Variants in HMCN2 observed in about 807,000 individuals in gnomAD.
HMCN2 encodes the protein hemicentin-2.
HMCN2 carries 325 observed loss-of-function variants against 377.5 expected under a neutral mutation model. The ratio of observed to expected loss-of-function variants is 0.86; its 90% CI spans 0.79 to 0.94. HMCN2 has a LOEUF of 0.94. Among genes scored for constraint, HMCN2 ranks in the 40% least tolerant of loss-of-function variants. The pLI is 0.00. For synonymous variants in HMCN2, 2,007 were observed against 2,046.8 expected, an observed-to-expected ratio of 0.98 and a Z score of 0.53; for missense variants, 4,543 against 4,725.3, an observed-to-expected ratio of 0.96 and a Z score of 1.13.
chr9:130,379,986 C>T (rs982113819), intron 54 of HMCN2, among the ~76,000 whole-genome samples: 27 of 152,190 alleles, frequency 1.8e-4, no homozygotes, highest in African/African-American at 6.0e-4. Context: ...AGTGATTCTC[C>T]TGCCTCAGCC....
At chr9:130,309,795 A>G (rs1271477542) in intron 14 of HMCN2, 117 bp from the exon 15 acceptor site, 4 of 336,266 alleles carry the variant, frequency 1.2e-5, no homozygotes, top group African/African-American at 8.8e-5. Flanking sequence ...TCCACCCACC[A>G]TCTCCCAGGC....
chr9:130,394,279 C>G lies in HMCN2; in HGVS notation c.10502-106C>G, dbSNP rs1239222034. The G allele has an allele frequency of 2.6e-6, 2 of 758,370 alleles. No individual in the cohort carries two copies. The highest frequency in any genetic ancestry group is 3.7e-5 in the African/African-American group (2 of 54,552). 47.0% of individuals were successfully genotyped at this position (758,370 alleles called of 1,614,324 possible). A position where few individuals can be genotyped will look rare whatever the true frequency, so the allele number is the denominator to read the frequency against. On this transcript the variant is annotated intron_variant, in intron 68 of 97. Coordinates refer to ENST00000683500, the MANE Select transcript of HMCN2 (RefSeq NM_001291815.2). This position sits in a 1 kb window ranked among gnomAD's most constrained non-coding sequence, Gnocchi z 5.1. ...GTGGCAGATGCAAGAACAAGGGCCA[C>G]CAAAATGTGGGAGCAGAGCCCCTGG...
intron 90 of HMCN2, 134 bp downstream of exon 90, chr9:130,426,058 G>A (rs77458469): frequency 0.026 from 17,866 of 691,198 alleles, 332 homozygotes; most frequent in Admixed American, 0.059. Flanking sequence ...AGACTGAGAC[G>A]GCCCGGCTGG....
rs1843584281 is a variant in HMCN2, at chr9:130,414,451, G to A, written c.12961+3799G>A. ...CAGTTTTATAGCTCTGCCAAAAACG[G>A]AAGATTTAAATAAAAATCCGAGTCT... On this transcript the variant is annotated intron_variant, in intron 85 of 97. Transcript: ENST00000683500. This position sits in a 1 kb window ranked among gnomAD's most constrained non-coding sequence, Gnocchi z 4.4. Among the ~76,000 whole-genome samples the A allele has an allele frequency of 6.6e-6, 1 of 152,106 alleles. No individual in the cohort carries two copies. The highest frequency in any genetic ancestry group is 6.5e-5 in the Admixed American group (1 of 15,272).
Position 130,433,361 on chromosome 9 carries a change from C to G in HMCN2, c.14908C>G (p.Arg4970Gly). 4 of 1,461,186 alleles carry G rather than the reference C, an allele frequency of 2.7e-6. No homozygotes were observed. Among genetic ancestry groups the G allele is most frequent in the Non-Finnish European group, 3.6e-6 (4 of 1,114,196 alleles). 90.5% of individuals were successfully genotyped at this position (1,461,186 alleles called of 1,614,324 possible). Reference protein sequence around the residue: ...QGPSPGTCFRRCSQDCGTGGP... With the variant: ...QGPSPGTCFRGCSQDCGTGGP... ...TGCCGCCCGCAGGACGTGCTTCCGG[C>G]GCTGCTCGCAGGACTGCGGCACGGG... The change falls in exon 98 of 98, where the codon CGC becomes GGC. Residue 4970 changes from arginine (R) to glycine (G), a missense_variant. Physicochemically the swap from Arg to Gly is moderately radical, Grantham distance 125. This residue lies in a region of HMCN2 where 1,155 missense variants were observed against 1,157.7 expected (regional missense o/e 1.00). Coordinates refer to ENST00000683500, the MANE Select transcript of HMCN2 (RefSeq NM_001291815.2).
At chr9:130,279,666 T>C (rs1248774869) in intron 1 of HMCN2, among the ~76,000 whole-genome samples, 5 of 152,168 alleles carry the variant, frequency 3.3e-5, no homozygotes, top group Non-Finnish European at 7.3e-5. Flanking sequence ...AACATTGTTA[T>C]GTTTGGCACA....
intron 46 of HMCN2, among the ~76,000 whole-genome samples, chr9:130,371,725 C>G (rs1312006611): frequency 6.6e-6 from 1 of 152,204 alleles, no homozygotes; most frequent in African/African-American, 2.4e-5. Context: ...GTAAGAATTG[C>G]CGGGTGCATT....
At chr9:130,349,724 T>C (rs1839598247) in intron 29 of HMCN2, 61 bp downstream of exon 29, 1 of 1,269,368 alleles carries the variant, frequency 7.9e-7, no homozygotes. Flanking sequence ...CTGCTGGATG[T>C]GGGGGTTGGG....
In HMCN2 at chr9:130,394,395, C is replaced by T. The variant is rs867133467; in HGVS notation, c.10512C>T (p.His3504=). ...HFQLTVMEPP[H]IEDSGQPTEL... ...CATGGTGGCTTGCAGAGCCCCCTCA[C>T]ATTGAGGACTCAGGCCAGCCTACAG... Residue 3504 remains histidine, a synonymous_variant, in exon 69 of 98, where the codon CAC becomes CAT. Coordinates refer to ENST00000683500, the MANE Select transcript of HMCN2 (RefSeq NM_001291815.2). This position sits in a 1 kb window ranked among gnomAD's most constrained non-coding sequence, Gnocchi z 5.1. The T allele has an allele frequency of 4.7e-6, 6 of 1,289,448 alleles. No homozygotes were observed. Among genetic ancestry groups the T allele is most frequent in the East Asian group, 5.5e-5 (1 of 18,022 alleles). 79.9% of individuals were successfully genotyped at this position (1,289,448 alleles called of 1,614,324 possible).
chr9:130,273,455 A>G (rs1264535482), intron 1 of HMCN2, among the ~76,000 whole-genome samples: 1 of 152,084 alleles, frequency 6.6e-6, no homozygotes, highest in East Asian at 1.9e-4. Context: ...AAACTGTCAG[A>G]ACAATACCAC....
intron 5 of HMCN2, 147 bp downstream of exon 5, chr9:130,295,173 G>A (rs1836051523): frequency 3.5e-6 from 1 of 287,406 alleles, no homozygotes; most frequent in Admixed American, 4.7e-5. Context: ...GGGACACGAA[G>A]TGGAGAGAGG....
intron 15 of HMCN2, among the ~76,000 whole-genome samples, chr9:130,318,573 C>T (rs1837688944): frequency 6.6e-6 from 1 of 152,144 alleles, no homozygotes; most frequent in Non-Finnish European, 1.5e-5. Context: ...TTGGAAGAAA[C>T]ACTGCAAGCT....
In HMCN2 at chr9:130,303,004, G is replaced by C; in HGVS notation, c.1421+3G>C. On this transcript the variant is annotated splice_donor_region_variant and intron_variant, in intron 9 of 97. Transcript: ENST00000683500. The surrounding 1 kb of genome is among the most constrained non-coding windows in gnomAD (Gnocchi z 5.2). ...CTGGGCGAAGAGAGGCACTTTCAGT[G>C]AGTGGCCCACGGCAGCTGATTGTCC... The C allele has an allele frequency of 6.4e-6, 3 of 468,000 alleles. No homozygotes were observed. The highest frequency in any genetic ancestry group is 1.3e-5 in the Non-Finnish European group (3 of 225,638). The allele number at this position is 468,000 out of a possible 1,614,324, so 29.0% of individuals were successfully genotyped here. A position where few individuals can be genotyped will look rare whatever the true frequency, so the allele number is the denominator to read the frequency against.
chr9:130,431,202 G>T, intron 95 of HMCN2, 165 bp from the exon 96 acceptor site: 1 of 690,910 alleles, frequency 1.4e-6, no homozygotes, highest in Non-Finnish European at 2.4e-6. Context: ...GCAAGCACAG[G>T]GACTCCCCCA....
chr9:130,385,043 G>A (rs1366430362), intron 59 of HMCN2, among the ~76,000 whole-genome samples: 1 of 152,212 alleles, frequency 6.6e-6, no homozygotes, highest in East Asian at 1.9e-4. Context: ...CCTGTTTCAA[G>A]GCTCGTGGTC....
rs1279180516 is a variant in HMCN2 at position 130,384,728 on chromosome 9, C to T, written c.9036C>T (p.Ser3012=). Residue 3012 remains serine, a synonymous_variant, in exon 59 of 98, where the codon TCC becomes TCT. Transcript: ENST00000683500. ...TGGGGAGAGCACGGCTGTCGGACTC[C>T]GGGATGTACACATGCGAAGCCCTCA... ...LQLGRARLSD[S]GMYTCEALNA... is the part of the protein sequence containing the mutation. 9.2e-6 allele frequency: 12 copies of T among 1,302,738 alleles called. No individual in the cohort carries two copies. Among genetic ancestry groups the T allele is most frequent in the South Asian group, 4.9e-5 (4 of 81,034 alleles). 80.7% of individuals were successfully genotyped at this position (1,302,738 alleles called of 1,614,324 possible). A position where few individuals can be genotyped will look rare whatever the true frequency, so the allele number is the denominator to read the frequency against.
At chr9:130,353,921 C>T (rs1839878495) in intron 31 of HMCN2, among the ~76,000 whole-genome samples, 1 of 152,100 alleles carries the variant, frequency 6.6e-6, no homozygotes, top group African/African-American at 2.4e-5. Context: ...TGGGGAGTCA[C>T]TTTGGGAGCT....
intron 43 of HMCN2, among the ~76,000 whole-genome samples, chr9:130,367,961 A>AT (rs1840785220): frequency 6.7e-6 from 1 of 150,178 alleles, no homozygotes; most frequent in Non-Finnish European, 1.5e-5. Context: ...AAAAAAAAAA[A>AT]AAGGGATCCC....
In HMCN2 at chr9:130,425,905, C is replaced by T. The variant is rs953475391; in HGVS notation, c.13860C>T (p.Leu4620=). Residue 4620 remains leucine (L), a synonymous_variant, in exon 90 of 98, where the codon CTC becomes CTT. Coordinates refer to ENST00000683500, the MANE Select transcript of HMCN2 (RefSeq NM_001291815.2). ...DPEAEALRFQ[L]ATALQAEENE... ...AGGCCGAGGCCCTGCGCTTCCAGCT[C>T]GCTACAGCCCTGCAGGCGGGTGAGG... The T allele has an allele frequency of 1.5e-5, 24 of 1,548,680 alleles. No individual in the cohort carries two copies. In the East Asian group the frequency reaches 1.7e-4, roughly 11 times the overall value.
Sources: gnomAD v4.1 joint callset for allele counts (sites outside exome capture counted in the v4.1 genomes callset) on GRCh38, gnomAD v4.1.1 for gene constraint, gnomAD v4.1.1 regional missense constraint, Gnocchi (gnomAD v3.1) non-coding constraint, MANE v1.5 for transcripts, NCBI Gene and HGNC (gene_info 2026-07-23, HGNC 2026-07-21) for gene names.